The following HS2ST1 variants were observed in gnomAD, a reference collection of about 807,000 sequenced individuals.
The protein encoded by HS2ST1 is heparan sulfate 2-O-sulfotransferase 1, also known as 2-O-sulfotransferase.
In HS2ST1, 18 loss-of-function variants were observed where a neutral mutation model predicts 42.9. The observed-to-expected ratio is 0.42, with a 90% CI of 0.29 to 0.62. The LOEUF is 0.62. Ranked by LOEUF, HS2ST1 falls within the 20% of genes least tolerant of loss-of-function variation. The pLI is 0.21. For missense variants in HS2ST1, 334 were observed against 433.8 expected (o/e 0.77, Z 2.04); for synonymous variants, 146 against 152.9 (o/e 0.95, Z 0.33).
chr1:86,991,860 T>A (rs777850463), intron 1 of HS2ST1, among the ~76,000 whole-genome samples: 1 of 151,364 alleles, frequency 6.6e-6, no homozygotes, highest in East Asian at 2.0e-4. Flanking sequence ...TACAAAATGC[T>A]CTTTCTAAGA....
At chr1:86,979,851 A>G (rs566947405) in intron 1 of HS2ST1, among the ~76,000 whole-genome samples, 26 of 152,330 alleles carry the variant, frequency 1.7e-4, no homozygotes, top group African/African-American at 6.0e-4. Context: ...CAGTTAATTC[A>G]CATCCTTGCT....
chr1:87,077,840 A>G (rs1390837117), intron 2 of HS2ST1, among the ~76,000 whole-genome samples: 2 of 152,218 alleles, frequency 1.3e-5, no homozygotes, highest in African/African-American at 2.4e-5. Flanking sequence ...TGACAGCAGT[A>G]TGATCTATTC....
At chr1:86,929,053 G>C (rs529247907) in intron 1 of HS2ST1, among the ~76,000 whole-genome samples, 2 of 152,008 alleles carry the variant, frequency 1.3e-5, no homozygotes, top group South Asian at 2.1e-4. Context: ...AGTACTTACT[G>C]TGTGTTTATA....
At chr1:86,958,455 G>A (rs1647736033) in intron 1 of HS2ST1, 1 of 152,338 alleles carries the variant, frequency 6.6e-6, no homozygotes, top group Non-Finnish European at 1.5e-5. Flanking sequence ...GGAGGAAGAG[G>A]AGGAGTTGGT....
intron 1 of HS2ST1, among the ~76,000 whole-genome samples, chr1:86,967,243 C>G (rs977203008): frequency 6.6e-6 from 1 of 151,960 alleles, no homozygotes; most frequent in African/African-American, 2.4e-5. Context: ...CTAAAAGTGG[C>G]GTATTAACTA....
At chr1:87,067,204 C>T (rs1651275988) in intron 1 of HS2ST1, among the ~76,000 whole-genome samples, 2 of 152,304 alleles carry the variant, frequency 1.3e-5, no homozygotes, top group South Asian at 4.1e-4. Flanking sequence ...TAAAAGTGTT[C>T]CTATTTCTCC....
At chr1:86,954,616 A>G (rs1412587522) in intron 1 of HS2ST1, among the ~76,000 whole-genome samples, 3 of 152,180 alleles carry the variant, frequency 2.0e-5, no homozygotes, top group African/African-American at 7.2e-5. Context: ...CCTCTGGGAA[A>G]TTGTTGATAA....
chr1:86,994,438 CTA>C (rs1306389989), intron 1 of HS2ST1, among the ~76,000 whole-genome samples: 2 of 152,124 alleles, frequency 1.3e-5, no homozygotes, highest in Non-Finnish European at 2.9e-5. Flanking sequence ...TTACAGTTTA[CTA>C]GGCCCCATAG....
At chr1:87,057,189 T>A (rs1479686249) in intron 1 of HS2ST1, among the ~76,000 whole-genome samples, 1 of 152,238 alleles carries the variant, frequency 6.6e-6, no homozygotes, top group African/African-American at 2.4e-5. Context: ...ATATTGTTAT[T>A]TTAAAGTGAG....
chr1:86,977,275 G>A (rs1402087517), intron 1 of HS2ST1, among the ~76,000 whole-genome samples: 3 of 152,120 alleles, frequency 2.0e-5, no homozygotes, highest in African/African-American at 7.2e-5. Flanking sequence ...TACACTAGTA[G>A]TCAAAGCCAC....
chr1:86,970,651 C>T (rs1648204296), intron 1 of HS2ST1, among the ~76,000 whole-genome samples: 1 of 152,160 alleles, frequency 6.6e-6, no homozygotes, highest in African/African-American at 2.4e-5. Flanking sequence ...TCCTTGGCCT[C>T]CCAAAGTGCT....
At chr1:87,045,429 T>A (rs1021093283) in intron 1 of HS2ST1, 3 of 1,447,286 alleles carry the variant, frequency 2.1e-6, no homozygotes, top group Admixed American at 3.4e-5. Context: ...GGTGCTACCA[T>A]AGCAAATTTT....
chr1:87,002,114 G>A (rs1307832753), intron 1 of HS2ST1, among the ~76,000 whole-genome samples: 4 of 151,658 alleles, frequency 2.6e-5, no homozygotes, highest in Middle Eastern at 3.2e-3. Context: ...GGGTTTCACC[G>A]TGTTAGCCAG....
chr1:86,951,582 A>C (rs1175603665), intron 1 of HS2ST1, among the ~76,000 whole-genome samples: 1 of 152,230 alleles, frequency 6.6e-6, no homozygotes, highest in Admixed American at 6.5e-5. Flanking sequence ...GTGAGTTATA[A>C]ATTTTTTGCT....
intron 1 of HS2ST1, among the ~76,000 whole-genome samples, chr1:87,058,327 T>C (rs1651028983): frequency 6.6e-6 from 1 of 151,920 alleles, no homozygotes; most frequent in East Asian, 1.9e-4. Context: ...CAGTCATATC[T>C]TTTTTTCTGG....
intron 1 of HS2ST1, among the ~76,000 whole-genome samples, chr1:86,924,645 C>T (rs1660375867): frequency 6.6e-6 from 1 of 152,186 alleles, no homozygotes; most frequent in Non-Finnish European, 1.5e-5. Context: ...GGGATTGCAC[C>T]CTCTGAAGGC....
chr1:86,972,701 CACAGTTTCATCTAATGTTA>C (rs1379764576), intron 1 of HS2ST1, among the ~76,000 whole-genome samples: 1 of 152,166 alleles, frequency 6.6e-6, no homozygotes, highest in African/African-American at 2.4e-5. Flanking sequence ...GTGTTCCTTA[CACAGTTTCATCTAATGTTA>C]ACATTTTGCA....
intron 2 of HS2ST1, among the ~76,000 whole-genome samples, chr1:87,077,432 C>A (rs1436829211): frequency 6.6e-6 from 1 of 152,204 alleles, no homozygotes; most frequent in Non-Finnish European, 1.5e-5. Context: ...CTTCTCCTGG[C>A]TTCTTCCAGA....
intron 1 of HS2ST1, among the ~76,000 whole-genome samples, chr1:86,949,404 C>A (rs2102184298): frequency 6.6e-6 from 1 of 152,266 alleles, no homozygotes; most frequent in East Asian, 1.9e-4. Flanking sequence ...CCACCATGCT[C>A]ACCCAAGAAT....
Sources: allele counts gnomAD v4.1 joint callset (sites outside exome capture counted in the v4.1 genomes callset), GRCh38; gene constraint gnomAD v4.1.1; transcripts MANE v1.5; gene names NCBI Gene and HGNC (gene_info 2026-07-23, HGNC 2026-07-21).